DNAH14: variants seen among roughly 807,000 people sequenced by gnomAD.
DNAH14 encodes dynein axonemal heavy chain 14.
DNAH14 carries 478 observed loss-of-function variants against 520.9 expected under a neutral mutation model. That is an observed-to-expected ratio of 0.92 (90% CI 0.85 to 0.99). The LOEUF is 0.99. Ranked by LOEUF, DNAH14 falls within the 50% of genes least tolerant of loss-of-function variation. DNAH14 has a pLI of 0.00. For missense variants in DNAH14, 4,831 were observed against 5,234.5 expected (o/e 0.92, Z 2.38); for synonymous variants, 1,581 against 1,757.2 (o/e 0.90, Z 2.51).
At position 225,346,535 on chromosome 1, in the gene DNAH14, C is replaced by T. The variant is rs1393014965; in HGVS notation, c.11177C>T (p.Ala3726Val). The T allele has an allele frequency of 6.4e-7, 1 of 1,551,258 alleles. No individual in the cohort carries two copies. The highest frequency in any genetic ancestry group is 2.0e-5 in the Admixed American group (1 of 50,964). ...RLCTVIMQNN[A>V]NGNLIQDDIG... Reference sequence around the variant, plus strand: ...TGCACTGTAATCATGCAAAACAATGCTAATGGAAATCTAATACAGGATGAC... The same window carrying T: ...TGCACTGTAATCATGCAAAACAATGTTAATGGAAATCTAATACAGGATGAC... Residue 3726 changes from alanine (A) to valine (V), a missense_variant, in exon 71 of 86, where the codon GCT (alanine) becomes GTT (valine). Transcript: ENST00000682510.
At chr1:225,328,946 T>C (rs1175219257) in intron 64 of DNAH14, among the ~76,000 whole-genome samples, 1 of 152,082 alleles carries the variant, frequency 6.6e-6, no homozygotes, top group Admixed American at 6.6e-5. Flanking sequence ...AAAAGTAACA[T>C]ATATATACAC....
At chr1:225,153,588 T>C (rs905099707) in intron 33 of DNAH14, among the ~76,000 whole-genome samples, 162 bp from the exon 34 acceptor site, 1 of 152,142 alleles carries the variant, frequency 6.6e-6, no homozygotes, top group Non-Finnish European at 1.5e-5. Flanking sequence ...CTTTGGGAGA[T>C]GAATGAGAGC....
intron 49 of DNAH14, 123 bp from the exon 50 acceptor site, chr1:225,270,612 G>T: frequency 1.3e-6 from 1 of 761,358 alleles, no homozygotes. Context: ...GCAATAAATA[G>T]TAATTAAATC....
rs1348829147 is a variant in DNAH14, at chr1:224,936,734, C to G, written c.-34+6899C>G. Among the ~76,000 whole-genome samples, 4 of 151,844 alleles carry G rather than the reference C, an allele frequency of 2.6e-5. 1 individual carries two copies. In the East Asian group the frequency reaches 7.7e-4, roughly 29 times the overall value. On this transcript the variant is annotated intron_variant, in intron 1 of 85. Transcript: ENST00000682510. Reference sequence around the variant, plus strand: ...CCTCATCCTACAAGGCTGGCATTAACTTGAAGCCCAAACCAGAGAAGAACA... The same window carrying G: ...CCTCATCCTACAAGGCTGGCATTAAGTTGAAGCCCAAACCAGAGAAGAACA...
At chr1:224,942,823 T>A (rs991558639) in intron 1 of DNAH14, among the ~76,000 whole-genome samples, 4 of 152,210 alleles carry the variant, frequency 2.6e-5, no homozygotes, top group African/African-American at 9.7e-5. Flanking sequence ...TTTGTGTATG[T>A]TGAACCAGCC....
chr1:225,123,192 A>T (rs966622914), intron 26 of DNAH14, among the ~76,000 whole-genome samples: 1 of 152,200 alleles, frequency 6.6e-6, no homozygotes, highest in Non-Finnish European at 1.5e-5. Context: ...CCAGTATTCC[A>T]TTTTGTAGAA....
At position 225,125,999 on chromosome 1, in the gene DNAH14, G is replaced by T. The variant is rs528949503; in HGVS notation, c.4254+2385G>T. The stretch of plus-strand genomic sequence containing the variant: ...CCGAAGAAGAAGGAGAGAGATGGGG[G>T]AATGACTATTTGGTGAAGAAGATAA... On this transcript the variant is annotated intron_variant, in intron 27 of 85. Transcript: ENST00000682510. Among the ~76,000 whole-genome samples the T allele has an allele frequency of 9.2e-5, 14 of 152,216 alleles. No individual in the cohort carries two copies. In the South Asian group the frequency reaches 2.9e-3, roughly 32 times the overall value.
chr1:225,222,411 T>TGTTACAGC (rs1331284339), intron 41 of DNAH14, among the ~76,000 whole-genome samples: 20 of 152,248 alleles, frequency 1.3e-4, no homozygotes, highest in Middle Eastern at 6.8e-3. Flanking sequence ...TCACAGTAAG[T>TGTTACAGC]GTTACAGCCC....
chr1:225,351,623 T>G, intron 71 of DNAH14, 24 bp from the exon 72 acceptor site: 1 of 1,512,798 alleles, frequency 6.6e-7, no homozygotes, highest in Non-Finnish European at 8.9e-7. Context: ...TCTTCTAATG[T>G]GATCATCTTT....
chr1:225,248,067 A>T (rs1405903731), intron 43 of DNAH14, among the ~76,000 whole-genome samples: 1 of 152,174 alleles, frequency 6.6e-6, no homozygotes, highest in Non-Finnish European at 1.5e-5. Flanking sequence ...AACAATAGAG[A>T]TCAAAAGATA....
chr1:225,226,877 CTT>C (rs1244808929), intron 41 of DNAH14, among the ~76,000 whole-genome samples: 10 of 152,084 alleles, frequency 6.6e-5, no homozygotes, highest in African/African-American at 1.7e-4. Flanking sequence ...GCAAAGGACT[CTT>C]TGTCATAAAT....
At position 225,140,637 on chromosome 1, in the gene DNAH14, T is replaced by C. The variant is rs2079358733; in HGVS notation, c.4255-131T>C. ...CAAATACACACAAATGTGTAAGGTC[T>C]CTTACACAAACACTTACATACACAC... On this transcript the variant is annotated intron_variant, in intron 27 of 85. Transcript: ENST00000682510. The C allele has an allele frequency of 5.5e-6, 4 of 728,548 alleles. No individual in the cohort carries two copies. In the East Asian group the frequency reaches 1.1e-4, roughly 21 times the overall value. The allele number at this position is 728,548 out of a possible 1,614,324, so 45.1% of individuals were successfully genotyped here.
intron 66 of DNAH14, among the ~76,000 whole-genome samples, chr1:225,334,870 C>T (rs2094880358): frequency 7.2e-6 from 1 of 139,470 alleles, no homozygotes; most frequent in Admixed American, 7.6e-5. Flanking sequence ...CTCTGTCTCT[C>T]TCTCTACATA....
chr1:225,387,634 CT>C (rs1440750596), intron 81 of DNAH14, among the ~76,000 whole-genome samples: 3 of 152,076 alleles, frequency 2.0e-5, no homozygotes, highest in African/African-American at 7.2e-5. Flanking sequence ...AGGATGGAGT[CT>C]AGTCACAGAA....
intron 54 of DNAH14, among the ~76,000 whole-genome samples, chr1:225,286,753 C>G (rs750106824): frequency 6.6e-6 from 1 of 152,130 alleles, no homozygotes; most frequent in African/African-American, 2.4e-5. Context: ...TGAAAACTTA[C>G]GCCCACATAA....
At chr1:224,939,389 G>A (rs1334213637) in intron 1 of DNAH14, among the ~76,000 whole-genome samples, 5 of 152,092 alleles carry the variant, frequency 3.3e-5, no homozygotes, top group African/African-American at 7.2e-5. Flanking sequence ...ATCAAAAAAC[G>A]GCCGGGTGTG....
intron 8 of DNAH14, among the ~76,000 whole-genome samples, chr1:224,987,140 GACA>G (rs1288074182): frequency 6.6e-6 from 1 of 151,994 alleles, no homozygotes; most frequent in Non-Finnish European, 1.5e-5. Flanking sequence ...CAGAGACAGA[GACA>G]GAGACAGAGA....
Position 225,184,753 on chromosome 1 carries a change from A to AAG in DNAH14, c.5536-524_5536-523dup, listed in dbSNP as rs942040812. 1.1e-4 allele frequency among the ~76,000 whole-genome samples: 17 copies of AAG among 151,926 alleles called. 1 individual carries two copies. The highest frequency in any genetic ancestry group is 3.1e-4 in the African/African-American group (13 of 41,472). Reference sequence around the variant, plus strand: ...CATCAAAGGAACATATCTTAAAAAAAAGAGAGAGAGAGAGAAAGAAAGAAA... The same window carrying AAG: ...CATCAAAGGAACATATCTTAAAAAAAAGAGAGAGAGAGAGAGAAAGAAAGAAA... On this transcript the variant is annotated intron_variant, in intron 36 of 85. Coordinates refer to ENST00000682510, the MANE Select transcript of DNAH14 (RefSeq NM_001367479.1).
rs563459679 is a variant in DNAH14 at position 225,063,547 on chromosome 1, A to C, written c.2424+11752A>C. Among the ~76,000 whole-genome samples the C allele has an allele frequency of 4.6e-5, 7 of 152,262 alleles. No homozygotes were observed. In the South Asian group the frequency reaches 1.4e-3, roughly 32 times the overall value. ...ATTAATTGATTAGACACTGCAGAAAAAAATCTGAACTTGAAATAATAGAAA... is the reference window on the plus strand; with the variant it reads ...ATTAATTGATTAGACACTGCAGAAACAAATCTGAACTTGAAATAATAGAAA... On this transcript the variant is annotated intron_variant, in intron 17 of 85. Coordinates refer to ENST00000682510, the MANE Select transcript of DNAH14 (RefSeq NM_001367479.1).
Sources: gnomAD v4.1 joint callset for allele counts (sites outside exome capture counted in the v4.1 genomes callset) on GRCh38, gnomAD v4.1.1 for gene constraint, MANE v1.5 for transcripts, NCBI Gene and HGNC (gene_info 2026-07-23, HGNC 2026-07-21) for gene names.